Variants in OGFOD1 observed in about 807,000 individuals in gnomAD.
OGFOD1 encodes the protein prolyl 3-hydroxylase OGFOD1.
A neutral mutation model predicts 67.7 loss-of-function variants in OGFOD1; 54 were observed. That is an observed-to-expected ratio of 0.80 (90% CI 0.64 to 1.00). The LOEUF is 1.00. Among genes scored for constraint, OGFOD1 ranks in the 50% least tolerant of loss-of-function variants. OGFOD1 has a pLI of 0.00. For missense variants in OGFOD1, 606 were observed against 646.7 expected (o/e 0.94, Z 0.68); for synonymous variants, 221 against 227.0 (o/e 0.97, Z 0.24).
At chr16:56,456,434 GT>G (rs1171852367) in intron 2 of OGFOD1, among the ~76,000 whole-genome samples, 1 of 152,096 alleles carries the variant, frequency 6.6e-6, no homozygotes, top group Non-Finnish European at 1.5e-5. Flanking sequence ...TAAACTTCTG[GT>G]CTTCTCCCTC....
intron 2 of OGFOD1, among the ~76,000 whole-genome samples, chr16:56,456,450 T>TAG (rs1460627599): frequency 6.6e-6 from 1 of 152,246 alleles, no homozygotes; most frequent in Non-Finnish European, 1.5e-5. Flanking sequence ...TCCCTCTAAA[T>TAG]CTGCTCCACC....
At chr16:56,458,205 T>C in intron 2 of OGFOD1, 2 of 275,990 alleles carry the variant, frequency 7.2e-6, no homozygotes, top group Non-Finnish European at 1.4e-5. Flanking sequence ...GGCTTAGCAC[T>C]CCCCATTCTT....
chr16:56,472,614 G>A (rs751316236), intron 10 of OGFOD1, among the ~76,000 whole-genome samples: 12 of 151,986 alleles, frequency 7.9e-5, no homozygotes, highest in South Asian at 2.1e-4. Flanking sequence ...ATAAAAATAC[G>A]TCAATTTCAG....
chr16:56,476,165 G>C lies in OGFOD1; in HGVS notation c.1589G>C (p.Arg530Thr), dbSNP rs1963467094. The stretch of plus-strand genomic sequence containing the variant: ...GAACAAAAGAAAACCTTCCCAAACA[G>C]AACAGGTTTCTGGGACTTTTCATTC... Reference protein sequence around the residue: ...SLEQKKTFPNRTGFWDFSFIY... With the variant: ...SLEQKKTFPNTTGFWDFSFIY... The change falls in exon 13 of 13, where the codon AGA becomes ACA. Residue 530 changes from arginine to threonine, a missense_variant. By Grantham distance (71) the Arg-to-Thr change is moderately conservative. Transcript: ENST00000566157. 2 of 1,613,104 alleles carry C rather than the reference G, an allele frequency of 1.2e-6. No individual in the cohort carries two copies. The highest frequency in any genetic ancestry group is 2.2e-5 in the South Asian group (2 of 91,012).
intron 10 of OGFOD1, among the ~76,000 whole-genome samples, chr16:56,471,549 C>T (rs1963185307): frequency 6.6e-6 from 1 of 152,192 alleles, no homozygotes; most frequent in Admixed American, 6.5e-5. Flanking sequence ...TTAGATGTTT[C>T]AGCACTTACT....
chr16:56,455,818 C>T (rs1417583813), intron 2 of OGFOD1, among the ~76,000 whole-genome samples: 5 of 152,096 alleles, frequency 3.3e-5, no homozygotes, highest in African/African-American at 7.2e-5. Flanking sequence ...GAGGAAACTA[C>T]ATTAGTTTTT....
intron 3 of OGFOD1, among the ~76,000 whole-genome samples, chr16:56,462,062 C>T (rs1962728699): frequency 6.6e-6 from 1 of 150,646 alleles, no homozygotes; most frequent in African/African-American, 2.4e-5. Context: ...TGCTGTACCC[C>T]AACCTGGGCA....
chr16:56,466,052 C>A, intron 4 of OGFOD1, 100 bp from the exon 5 acceptor site: 1 of 779,616 alleles, frequency 1.3e-6, no homozygotes. Context: ...CTGGAGCTGA[C>A]ATTACAGTTG....
At chr16:56,466,319 T>TA in intron 5 of OGFOD1, 51 bp downstream of exon 5, 1 of 1,120,816 alleles carries the variant, frequency 8.9e-7, no homozygotes, top group Non-Finnish European at 1.4e-6. Flanking sequence ...ACTTCTGAGT[T>TA]AAAGCTGAGT....
At position 56,466,129 on chromosome 16, in the gene OGFOD1, A is replaced by T. The variant is rs1207442851; in HGVS notation, c.449-23A>T. On this transcript the variant is annotated intron_variant, in intron 4 of 12. Coordinates refer to ENST00000566157, the MANE Select transcript of OGFOD1 (RefSeq NM_018233.4). ...GCTGGTCACTATCTGCAGGGATCTA[A>T]GGTGTCCATTAAACTATTGCAGATG... 1.9e-6 allele frequency: 3 copies of T among 1,553,390 alleles called. No homozygotes were observed. The South Asian group carries it at 3.3e-5, about 17-fold the overall frequency.
chr16:56,474,945 G>A lies in OGFOD1; in HGVS notation c.1403G>A (p.Cys468Tyr). 1.2e-6 allele frequency: 2 copies of A among 1,613,612 alleles called. No individual in the cohort carries two copies. The highest frequency in any genetic ancestry group is 1.7e-6 in the Non-Finnish European group (2 of 1,179,734). Reference protein sequence around the residue: ...FALDLILYCGCEGWEPEYGGF... With the variant: ...FALDLILYCGYEGWEPEYGGF... ...CTAGACTTAATTCTGTACTGTGGCT[G>A]TGAAGGTAAGAGGGAGGAAAGCAAG... Residue 468 changes from cysteine (C) to tyrosine (Y), a missense_variant, in exon 11 of 13, where the codon TGT (cysteine) becomes TAT (tyrosine). Cys to Tyr is a radical substitution (Grantham distance 194). Coordinates refer to ENST00000566157, the MANE Select transcript of OGFOD1 (RefSeq NM_018233.4).
At chr16:56,463,330 T>C (rs1415269417) in intron 4 of OGFOD1, among the ~76,000 whole-genome samples, 1 of 148,934 alleles carries the variant, frequency 6.7e-6, no homozygotes, top group Non-Finnish European at 1.5e-5. Context: ...TGGTGATACA[T>C]AGGAAAAGCC....
rs182611255 is a variant in OGFOD1 at position 56,467,247 on chromosome 16, A to G, written c.740A>G (p.Asn247Ser). The part of the protein sequence containing the change: ...FHGPSLTRPP[N>S]YFEPPIPRSP... ...GGTCCATCATTGACTCGGCCTCCCAACTACTTTGAACCCCCCATACCTCGG... is the reference window on the plus strand; with the variant it reads ...GGTCCATCATTGACTCGGCCTCCCAGCTACTTTGAACCCCCCATACCTCGG... Residue 247 changes from asparagine to serine, a missense_variant, in exon 7 of 13, where the codon AAC (asparagine) becomes AGC (serine). Asn to Ser is a conservative substitution (Grantham distance 46, BLOSUM62 1). Transcript: ENST00000566157. 26 of 1,614,110 alleles carry G rather than the reference A, an allele frequency of 1.6e-5. No individual in the cohort carries two copies. The African/African-American group carries it at 2.1e-4, about 13-fold the overall frequency.
intron 6 of OGFOD1, 23 bp from the exon 7 acceptor site, chr16:56,467,142 T>G (rs533407242): frequency 6.2e-7 from 1 of 1,614,088 alleles, no homozygotes; most frequent in South Asian, 1.1e-5. Context: ...CGTGTTGATG[T>G]GCTACTGGGC....
intron 2 of OGFOD1, chr16:56,458,097 T>A (rs1962588069): frequency 1.1e-5 from 2 of 187,618 alleles, no homozygotes; most frequent in Non-Finnish European, 2.2e-5. Flanking sequence ...TGTGCCTTGA[T>A]ATTGCCTTGC....
intron 12 of OGFOD1, among the ~76,000 whole-genome samples, 177 bp from the exon 13 acceptor site, chr16:56,475,867 G>A (rs1963446329): frequency 6.6e-6 from 1 of 152,196 alleles, no homozygotes. Context: ...GGTATATGCT[G>A]GAATAGGGCT....
chr16:56,463,117 A>G (rs1177519301), intron 4 of OGFOD1, among the ~76,000 whole-genome samples: 1 of 152,196 alleles, frequency 6.6e-6, no homozygotes, highest in Non-Finnish European at 1.5e-5. Context: ...CTTCAGAGGT[A>G]CCTATTGTCA....
intron 4 of OGFOD1, among the ~76,000 whole-genome samples, chr16:56,464,675 C>T (rs539419178): frequency 1.6e-3 from 242 of 152,224 alleles, no homozygotes; most frequent in Non-Finnish European, 2.8e-3. Context: ...AGGAGAACCC[C>T]GTCAAACTGA....
chr16:56,474,317 C>CTTTTTT (rs770427579), intron 10 of OGFOD1, among the ~76,000 whole-genome samples: 3 of 130,076 alleles, frequency 2.3e-5, no homozygotes, highest in African/African-American at 5.7e-5. Context: ...CAAAATTCAA[C>CTTTTTT]TTTTTTTTTT....
Sources: gnomAD v4.1 joint callset for allele counts (sites outside exome capture counted in the v4.1 genomes callset) on GRCh38, gnomAD v4.1.1 for gene constraint, MANE v1.5 for transcripts, NCBI Gene and HGNC (gene_info 2026-07-23, HGNC 2026-07-21) for gene names.